Variants in ENTREP2 observed in about 807,000 individuals in gnomAD.
ENTREP2 encodes the protein endosomal transmembrane epsin interactor 2.
chr15:29,377,087 C>T, the ENTREP2 span: 1 of 151,990 alleles, frequency 6.6e-6, no homozygotes, highest in African/African-American at 2.4e-5. Flanking sequence ...CTAGAAAACT[C>T]ACTGCTGCAT....
At chr15:29,269,749 G>T in the ENTREP2 span, 1 of 1,426,400 alleles carries the variant, frequency 7.0e-7, no homozygotes, top group Non-Finnish European at 9.1e-7. Context: ...TAGGCAAGCA[G>T]CCGCGGCGGG....
At chr15:29,369,630 C>T in the ENTREP2 span, among the ~76,000 whole-genome samples, 50 of 152,028 alleles carry the variant, frequency 3.3e-4, no homozygotes, top group African/African-American at 4.8e-4. Context: ...GGTGCACGAG[C>T]GTGTGCAAAA....
the ENTREP2 span, among the ~76,000 whole-genome samples, chr15:29,474,237 C>T: frequency 2.0e-5 from 3 of 152,122 alleles, no homozygotes; most frequent in Non-Finnish European, 2.9e-5. Flanking sequence ...AGGCTACCTA[C>T]GGTTCAGGGA....
At chr15:29,655,526 CCAGT>C in the ENTREP2 span, among the ~76,000 whole-genome samples, 13 of 152,104 alleles carry the variant, frequency 8.5e-5, no homozygotes, top group South Asian at 4.1e-4. Flanking sequence ...AAAGCAATCC[CCAGT>C]CAAAGAGAGC....
At chr15:29,651,989 T>C in the ENTREP2 span, among the ~76,000 whole-genome samples, 1 of 152,140 alleles carries the variant, frequency 6.6e-6, no homozygotes, top group South Asian at 2.1e-4. Flanking sequence ...TCCTGTGGAT[T>C]GGAGGGGGAA....
At chr15:29,389,559 A>G in the ENTREP2 span, among the ~76,000 whole-genome samples, 2 of 152,208 alleles carry the variant, frequency 1.3e-5, no homozygotes, top group South Asian at 4.1e-4. Context: ...CTAGAAAGGT[A>G]TAGTTCTGCC....
At chr15:29,236,628 G>A in the ENTREP2 span, among the ~76,000 whole-genome samples, 1 of 152,164 alleles carries the variant, frequency 6.6e-6, no homozygotes, top group Non-Finnish European at 1.5e-5. Context: ...TACTCTGGGT[G>A]ACAGAGCAAG....
chr15:29,383,143 C>T, the ENTREP2 span, among the ~76,000 whole-genome samples: 1 of 152,146 alleles, frequency 6.6e-6, no homozygotes, highest in Non-Finnish European at 1.5e-5. Flanking sequence ...TGGTGGCTGT[C>T]CTGAGGCTCC....
the ENTREP2 span, among the ~76,000 whole-genome samples, chr15:29,672,704 A>T: frequency 6.6e-6 from 1 of 152,208 alleles, no homozygotes; most frequent in South Asian, 2.1e-4. Context: ...GAGTTTTATT[A>T]CTACTCAAAC....
the ENTREP2 span, among the ~76,000 whole-genome samples, chr15:29,581,235 A>G: frequency 2.0e-5 from 3 of 152,222 alleles, no homozygotes; most frequent in Non-Finnish European, 1.5e-5. Context: ...TAACATGGAA[A>G]GGATGTAGAA....
chr15:29,465,392 ACAACTGAGCCACGTGACACTG>A, the ENTREP2 span, among the ~76,000 whole-genome samples: 2 of 152,214 alleles, frequency 1.3e-5, no homozygotes, highest in African/African-American at 4.8e-5. Context: ...AAGCTGCCTG[ACAACTGAGCCACGTGACACTG>A]CAAGCTCCCC....
At chr15:29,412,065 A>ACAACC in the ENTREP2 span, among the ~76,000 whole-genome samples, 3 of 152,122 alleles carry the variant, frequency 2.0e-5, no homozygotes, top group Non-Finnish European at 4.4e-5. Context: ...GCTCTGTCAT[A>ACAACC]TAATTTTACA....
chr15:29,454,261 C>A, the ENTREP2 span, among the ~76,000 whole-genome samples: 13 of 152,338 alleles, frequency 8.5e-5, no homozygotes, highest in Non-Finnish European at 1.9e-4. Flanking sequence ...CTAGAGTCCA[C>A]TGCAGATTTT....
At chr15:29,302,566 GA>G in the ENTREP2 span, among the ~76,000 whole-genome samples, 2 of 152,132 alleles carry the variant, frequency 1.3e-5, no homozygotes, top group Non-Finnish European at 2.9e-5. Flanking sequence ...AATTAATGGA[GA>G]AAAGAGCTCT....
the ENTREP2 span, among the ~76,000 whole-genome samples, chr15:29,250,971 G>C: frequency 6.6e-6 from 1 of 152,176 alleles, no homozygotes; most frequent in Admixed American, 6.5e-5. Context: ...TTGTAACTCA[G>C]TGGGCAGCTT....
At chr15:29,505,670 T>G in the ENTREP2 span, among the ~76,000 whole-genome samples, 2 of 152,278 alleles carry the variant, frequency 1.3e-5, no homozygotes, top group East Asian at 3.9e-4. This position sits in a 1 kb window ranked among gnomAD's most constrained non-coding sequence, Gnocchi z 4.3. Flanking sequence ...AGGGGCCTGA[T>G]GACCGTTAGA....
At chr15:29,304,414 C>CA in the ENTREP2 span, among the ~76,000 whole-genome samples, 2 of 152,022 alleles carry the variant, frequency 1.3e-5, no homozygotes, top group Non-Finnish European at 2.9e-5. Context: ...TCAACAAATG[C>CA]AAAAAAACTG....
the ENTREP2 span, among the ~76,000 whole-genome samples, chr15:29,543,474 A>G: frequency 3.9e-5 from 6 of 152,172 alleles, no homozygotes; most frequent in African/African-American, 1.4e-4. Flanking sequence ...TACATACCTC[A>G]GGCTTAAAAA....
At chr15:29,140,287 A>T in the ENTREP2 span, among the ~76,000 whole-genome samples, 1 of 152,192 alleles carries the variant, frequency 6.6e-6, no homozygotes, top group African/African-American at 2.4e-5. Flanking sequence ...GCGGGTACTC[A>T]GTAAACTTCT....
Sources: gnomAD v4.1 joint callset for allele counts (sites outside exome capture counted in the v4.1 genomes callset) on GRCh38, gnomAD v4.1.1 for gene constraint, Gnocchi (gnomAD v3.1) non-coding constraint, MANE v1.5 for transcripts, NCBI Gene and HGNC (gene_info 2026-07-23, HGNC 2026-07-21) for gene names.